Variants in LRRC42 observed in about 807,000 individuals in gnomAD.
LRRC42 encodes leucine rich repeat containing 42, also known as leucine-rich repeat-containing protein 42.
LRRC42 carries 43 observed loss-of-function variants against 44.3 expected under a neutral mutation model. That is an observed-to-expected ratio of 0.97 (90% CI 0.76 to 1.25). LRRC42 has a LOEUF of 1.25. LRRC42 is among the 50% of genes most tolerant of loss of function. The pLI, the probability that LRRC42 is intolerant of heterozygous loss-of-function variation, is 0.00. For missense variants in LRRC42, 540 were observed against 509.1 expected (o/e 1.06, Z -0.58); for synonymous variants, 207 against 195.2 (o/e 1.06, Z -0.50).
chr1:53,960,144 C>T (rs1317375414), intron 4 of LRRC42, among the ~76,000 whole-genome samples: 1 of 152,122 alleles, frequency 6.6e-6, no homozygotes, highest in Non-Finnish European at 1.5e-5. Flanking sequence ...AAGTGATCCT[C>T]CAGCCTCAGT....
At chr1:53,967,057 C>G (rs1359812804) in intron 8 of LRRC42, among the ~76,000 whole-genome samples, 1 of 152,014 alleles carries the variant, frequency 6.6e-6, no homozygotes, top group Non-Finnish European at 1.5e-5. Flanking sequence ...CTTAATACCA[C>G]TGAACTGTAC....
In LRRC42 at chr1:53,960,317, T is replaced by C. The variant is rs767654521; in HGVS notation, c.606-39T>C. The C allele has an allele frequency of 1.8e-5, 25 of 1,388,672 alleles. No individual in the cohort carries two copies. In the African/African-American group the frequency reaches 3.5e-4, roughly 19 times the overall value. 86.0% of individuals were successfully genotyped at this position (1,388,672 alleles called of 1,614,324 possible). A position where few individuals can be genotyped will look rare whatever the true frequency, so the allele number is the denominator to read the frequency against. Reference sequence around the variant, plus strand: ...TTTTTATACCTAGATTGTCTCAAACTCTCTTTGAGTAATTTATGTATGTAC... The same window carrying C: ...TTTTTATACCTAGATTGTCTCAAACCCTCTTTGAGTAATTTATGTATGTAC... On this transcript the variant is annotated intron_variant, in intron 4 of 8. Coordinates refer to ENST00000371370, the MANE Select transcript of LRRC42 (RefSeq NM_001256409.2).
intron 5 of LRRC42, among the ~76,000 whole-genome samples, chr1:53,961,236 C>T (rs1049498031): frequency 1.3e-5 from 2 of 152,096 alleles, no homozygotes; most frequent in Admixed American, 6.6e-5. Flanking sequence ...AGTGAAACCC[C>T]GTCTCTACTA....
At chr1:53,962,252 T>A in intron 6 of LRRC42, 44 bp from the exon 7 acceptor site, 1 of 1,517,868 alleles carries the variant, frequency 6.6e-7, no homozygotes, top group South Asian at 1.1e-5. Flanking sequence ...AAGTAAGAAT[T>A]AACCAAATGT....
intron 3 of LRRC42, among the ~76,000 whole-genome samples, chr1:53,953,969 G>T (rs1046632986): frequency 4.6e-5 from 7 of 150,788 alleles, no homozygotes; most frequent in African/African-American, 1.7e-4. Context: ...CTGACCTCAG[G>T]TGATCCACCG....
At chr1:53,956,503 G>A (rs1654846035) in intron 3 of LRRC42, among the ~76,000 whole-genome samples, 1 of 152,166 alleles carries the variant, frequency 6.6e-6, no homozygotes, top group Admixed American at 6.5e-5. Context: ...AGAAATTGAG[G>A]CTCAGAAAGG....
chr1:53,949,965 T>C (rs922611622), intron 2 of LRRC42, among the ~76,000 whole-genome samples: 1 of 152,208 alleles, frequency 6.6e-6, no homozygotes, highest in African/African-American at 2.4e-5. Flanking sequence ...AGCAAATATC[T>C]TTTGAGGGCT....
At chr1:53,967,013 T>C (rs1655144242) in intron 8 of LRRC42, among the ~76,000 whole-genome samples, 1 of 152,160 alleles carries the variant, frequency 6.6e-6, no homozygotes, top group South Asian at 2.1e-4. Context: ...GTTCTGGAGA[T>C]GGATGGTGAT....
At chr1:53,946,661 G>C (rs1654475857) in intron 1 of LRRC42, 112 bp downstream of exon 1, 1 of 151,726 alleles carries the variant, frequency 6.6e-6, no homozygotes, top group African/African-American at 2.4e-5. Flanking sequence ...CAGAGGGACG[G>C]CGGGGCGCGG....
chr1:53,963,943 G>GGCC (rs1655059810), intron 7 of LRRC42, among the ~76,000 whole-genome samples: 1 of 43,776 alleles, frequency 2.3e-5, no homozygotes, highest in Non-Finnish European at 4.4e-5. Flanking sequence ...TTCCCCTCCT[G>GGCC]CCCACCCCCC....
At position 53,968,052 on chromosome 1, in the gene LRRC42, C is replaced by T; in HGVS notation, c.*113C>T. 6 of 1,111,416 alleles carry T rather than the reference C, an allele frequency of 5.4e-6. No homozygotes were observed. Among genetic ancestry groups the T allele is most frequent in the Non-Finnish European group, 7.8e-6 (6 of 771,890 alleles). The allele number at this position is 1,111,416 out of a possible 1,614,324, so 68.8% of individuals were successfully genotyped here. On this transcript the variant is annotated 3_prime_UTR_variant, in exon 9 of 9. Transcript: ENST00000371370. Reference sequence around the variant, plus strand: ...TTACCTATGGCATTAGCATAGTAAGCAGATATTTCTACTTTTGTGGTGTGG... The same window carrying T: ...TTACCTATGGCATTAGCATAGTAAGTAGATATTTCTACTTTTGTGGTGTGG...
intron 3 of LRRC42, among the ~76,000 whole-genome samples, chr1:53,955,477 T>G (rs1654811737): frequency 6.6e-6 from 1 of 151,368 alleles, no homozygotes; most frequent in Admixed American, 6.6e-5. Flanking sequence ...TTGTATTTTT[T>G]GGTAGAGATA....
chr1:53,948,539 G>A (rs1036314151), intron 2 of LRRC42, among the ~76,000 whole-genome samples: 4 of 152,160 alleles, frequency 2.6e-5, no homozygotes, highest in African/African-American at 4.8e-5. Context: ...CTATGCTGTC[G>A]TATGGGTTAC....
rs1033404147 is a variant in LRRC42 at position 53,964,932 on chromosome 1, C to T, written c.928-1364C>T. 8.6e-5 allele frequency among the ~76,000 whole-genome samples: 13 copies of T among 151,974 alleles called. No homozygotes were observed. In the East Asian group the frequency reaches 1.2e-3, roughly 14 times the overall value. ...AACTCCTGGGCGCAAGGGATCCTAC[C>T]GCCTCGGCCACCCAAAGTGCAAAGA... On this transcript the variant is annotated intron_variant, in intron 7 of 8. Transcript: ENST00000371370.
intron 4 of LRRC42, among the ~76,000 whole-genome samples, chr1:53,958,832 C>T (rs1368677422): frequency 6.6e-6 from 1 of 152,054 alleles, no homozygotes; most frequent in Non-Finnish European, 1.5e-5. Context: ...GTGATCCTCC[C>T]GCCTCAGCCT....
chr1:53,965,555 C>G (rs1368210430), intron 7 of LRRC42, among the ~76,000 whole-genome samples: 1 of 151,124 alleles, frequency 6.6e-6, no homozygotes, highest in African/African-American at 2.4e-5. Flanking sequence ...TCTCAGCTCA[C>G]TGCAAGCTCT....
At position 53,967,756 on chromosome 1, in the gene LRRC42, GAA is replaced by G. The variant is rs747712863; in HGVS notation, c.1106_1107del (p.Lys369SerfsTer28). On this transcript the variant is annotated frameshift_variant, in exon 9 of 9. Transcript: ENST00000371370. LOFTEE classifies it high-confidence loss of function. The stretch of plus-strand genomic sequence containing the variant: ...CCGAGAAACTCCAGTTCTATAAAGA[GAA>G]AGCCCCAGATTGCCATGGGCCAGTG... ...SSEKLQFYKE[K>X]APDCHGPVLK... is the part of the protein sequence containing the mutation. 46 of 1,614,042 alleles carry G rather than the reference GAA, an allele frequency of 2.8e-5. No homozygotes were observed. The highest frequency in any genetic ancestry group is 3.7e-5 in the Non-Finnish European group (44 of 1,180,036).
chr1:53,950,974 T>C (rs1430814201), intron 2 of LRRC42, among the ~76,000 whole-genome samples: 4 of 152,204 alleles, frequency 2.6e-5, no homozygotes, highest in Non-Finnish European at 5.9e-5. Flanking sequence ...AACGAGTAAA[T>C]GTTGGTTCCA....
At chr1:53,958,916 G>T (rs1024843789) in intron 4 of LRRC42, among the ~76,000 whole-genome samples, 1 of 151,848 alleles carries the variant, frequency 6.6e-6, no homozygotes, top group African/African-American at 2.4e-5. Flanking sequence ...ACGGAGTCTT[G>T]CTCTTGTTGT....
Sources: allele counts gnomAD v4.1 joint callset (sites outside exome capture counted in the v4.1 genomes callset), GRCh38; gene constraint gnomAD v4.1.1; transcripts MANE v1.5; gene names NCBI Gene and HGNC (gene_info 2026-07-23, HGNC 2026-07-21).